Variants in DLC1 observed in about 807,000 individuals in gnomAD.
DLC1 encodes rho GTPase-activating protein 7.
DLC1 carries 54 observed loss-of-function variants against 140.3 expected under a neutral mutation model. That is an observed-to-expected ratio of 0.38 (90% confidence interval 0.31 to 0.48). DLC1 has a LOEUF of 0.48. Ranked by LOEUF, DLC1 falls within the 20% of genes least tolerant of loss-of-function variation. The pLI, the probability that DLC1 is intolerant of heterozygous loss-of-function variation, is 0.96. For missense variants in DLC1, 2,536 were observed against 1,907.0 expected (o/e 1.33, Z -6.14); for synonymous variants, 986 against 728.1 (o/e 1.35, Z -5.70).
chr8:13,518,049 AAAG>A (rs1352639659), upstream of DLC1, among the ~76,000 whole-genome samples: 3 of 152,160 alleles, frequency 2.0e-5, no homozygotes, highest in African/African-American at 7.2e-5. Context: ...TACTCTGTGG[AAAG>A]AAGAATAGCA....
intron 2 of DLC1, among the ~76,000 whole-genome samples, chr8:13,449,071 C>A (rs1263217962): frequency 1.3e-5 from 2 of 152,098 alleles, no homozygotes; most frequent in African/African-American, 4.8e-5. Context: ...ATATTATATA[C>A]CTTACAAGCC....
rs1244592859 is a variant in DLC1, at chr8:13,392,140, G to A, written c.1314+1413C>T. On this transcript the variant is annotated intron_variant, in intron 4 of 17. Transcript: ENST00000276297. ...GTTGATTTTTCAGTTTACCCCGAAA[G>A]ATCATTGTGCAGTATCTTTCTAGTT... is the stretch of plus-strand genomic sequence containing the variant. Among the ~76,000 whole-genome samples, 5 of 152,234 alleles carry A rather than the reference G, an allele frequency of 3.3e-5. No individual in the cohort carries two copies. In the East Asian group the frequency reaches 9.7e-4, roughly 29 times the overall value.
rs150797238 is a variant in DLC1, at chr8:13,594,993, C to T, written c.-126+9544G>A. 3.9e-3 allele frequency among the ~76,000 whole-genome samples: 588 copies of T among 151,088 alleles called. 2 individuals carry two copies. The highest frequency in any genetic ancestry group is 6.7e-3 in the Non-Finnish European group (455 of 67,760). On this transcript the variant is annotated intron_variant, in intron 1 of 1. Coordinates refer to the DLC1 transcript ENST00000631382. ...TTTTCTTGTGAATTTCTATATATTT[C>T]TGTATAGACTTCTTCAATTGTTGTG...
intron 4 of DLC1, among the ~76,000 whole-genome samples, chr8:13,344,226 G>A (rs2116998576): frequency 6.6e-6 from 1 of 152,306 alleles, no homozygotes; most frequent in South Asian, 2.1e-4. Flanking sequence ...GGCCGTGGTG[G>A]TTCATACCTG....
chr8:13,091,451 G>A lies in DLC1; in HGVS notation c.3741-19C>T, dbSNP rs755424824. On this transcript the variant is annotated intron_variant, in intron 13 of 17. Coordinates refer to ENST00000276297, the MANE Select transcript of DLC1 (RefSeq NM_182643.3). The stretch of plus-strand genomic sequence containing the variant: ...CATTACCCTAGGTAGAAGAAATACA[G>A]GAGGGGAACAGTTCAAATATTTATA... The A allele has an allele frequency of 2.5e-6, 4 of 1,595,170 alleles. No individual in the cohort carries two copies. The South Asian group carries it at 3.3e-5, about 13-fold the overall frequency.
At chr8:13,387,053 A>G (rs1232825985) in intron 4 of DLC1, among the ~76,000 whole-genome samples, 6 of 152,076 alleles carry the variant, frequency 3.9e-5, no homozygotes, top group Non-Finnish European at 8.8e-5. Flanking sequence ...GTATTAATTC[A>G]AATTTTTTGA....
In DLC1 at chr8:13,499,945, T is replaced by C; in HGVS notation, c.127A>G (p.Ser43Gly). The C allele has an allele frequency of 6.2e-7, 1 of 1,614,138 alleles. No individual in the cohort carries two copies. Among genetic ancestry groups the C allele is most frequent in the South Asian group, 1.1e-5 (1 of 91,090 alleles). ...HGLVADSLQA[S>G]MEKDATLNVD... ...TTTAGAGTTGCATCTTTTTCCATACTTGCCTGCAAGCTGTCAGCTACTAGT... is the reference window on the plus strand; with the variant it reads ...TTTAGAGTTGCATCTTTTTCCATACCTGCCTGCAAGCTGTCAGCTACTAGT... Residue 43 changes from serine to glycine, a missense_variant, in exon 2 of 18, where the codon AGT becomes GGT. Physicochemically the swap from Ser to Gly is moderately conservative, Grantham distance 56. Coordinates refer to ENST00000276297, the MANE Select transcript of DLC1 (RefSeq NM_182643.3).
intron 5 of DLC1, among the ~76,000 whole-genome samples, chr8:13,295,742 A>G (rs1295459314): frequency 2.0e-5 from 3 of 152,148 alleles, no homozygotes. Context: ...GTGAGGTCAA[A>G]GTAATAGCTT....
At chr8:13,305,157 C>A in intron 5 of DLC1, 112 bp downstream of exon 5, 2 of 1,424,852 alleles carry the variant, frequency 1.4e-6, no homozygotes, top group Non-Finnish European at 1.9e-6. Context: ...CAACATTTTC[C>A]CATATATTCA....
intron 2 of DLC1, among the ~76,000 whole-genome samples, chr8:13,444,803 C>T (rs1048879290): frequency 1.1e-4 from 16 of 151,988 alleles, no homozygotes; most frequent in African/African-American, 3.9e-4. Flanking sequence ...TATAATCGTT[C>T]AAGGAAATTT....
intron 5 of DLC1, among the ~76,000 whole-genome samples, chr8:13,230,017 C>T (rs1828972538): frequency 6.6e-6 from 1 of 152,192 alleles, no homozygotes; most frequent in Admixed American, 6.5e-5. Flanking sequence ...CTGATGGAGG[C>T]TTTGATCTCT....
chr8:13,304,759 T>C, intron 5 of DLC1: 1 of 953,918 alleles, frequency 1.0e-6, no homozygotes, highest in Non-Finnish European at 1.2e-6. Context: ...TTTCCCATAA[T>C]ACTGTTAAAT....
intron 5 of DLC1, among the ~76,000 whole-genome samples, chr8:13,120,268 G>C (rs1217008541): frequency 6.7e-6 from 1 of 148,972 alleles, no homozygotes; most frequent in East Asian, 2.0e-4. Context: ...GCGTGAACCG[G>C]GGAGGCGGAG....
At chr8:13,483,601 GGA>G (rs1800838841) in intron 2 of DLC1, among the ~76,000 whole-genome samples, 1 of 152,102 alleles carries the variant, frequency 6.6e-6, no homozygotes, top group African/African-American at 2.4e-5. Flanking sequence ...GAGCTTTCAG[GGA>G]GAGAGAGTGT....
At chr8:13,119,226 TAAAAA>T (rs757073542) in intron 5 of DLC1, among the ~76,000 whole-genome samples, 4 of 119,704 alleles carry the variant, frequency 3.3e-5, no homozygotes, top group Admixed American at 1.7e-4. Flanking sequence ...AGACCCTGTC[TAAAAA>T]AAAAAAAAAA....
intron 2 of DLC1, among the ~76,000 whole-genome samples, chr8:13,405,308 T>A (rs574185347): frequency 2.0e-5 from 3 of 151,660 alleles, no homozygotes; most frequent in Admixed American, 2.0e-4. Flanking sequence ...CCTTCTCCCC[T>A]CTGTGGTCCT....
chr8:13,200,745 C>G lies in DLC1; in HGVS notation c.1349-85088G>C, dbSNP rs529681783. 3.1e-4 allele frequency among the ~76,000 whole-genome samples: 47 copies of G among 152,110 alleles called. 1 individual carries two copies. The highest frequency in any genetic ancestry group is 1.1e-3 in the African/African-American group (47 of 41,504). On this transcript the variant is annotated intron_variant, in intron 5 of 17. Transcript: ENST00000276297. Reference sequence around the variant, plus strand: ...TCAGCCTCCTGAGTAGGTGGGACGACAGGTCCATGCCCAGCTGTTTCAAAT... The same window carrying G: ...TCAGCCTCCTGAGTAGGTGGGACGAGAGGTCCATGCCCAGCTGTTTCAAAT...
At chr8:13,500,303 T>C (rs1418528424) in intron 1 of DLC1, 107 bp from the exon 2 acceptor site, 2 of 421,178 alleles carry the variant, frequency 4.7e-6, no homozygotes, top group African/African-American at 2.0e-5. Context: ...TAAGAGATTT[T>C]ATAAAGCTTC....
chr8:13,384,237 C>T lies in DLC1; in HGVS notation c.1314+9316G>A, dbSNP rs186750536. On this transcript the variant is annotated intron_variant, in intron 4 of 17. Coordinates refer to ENST00000276297, the MANE Select transcript of DLC1 (RefSeq NM_182643.3). ...TTCCTGTTCTTGCAAGGCCTCTGCC[C>T]CCCATCACAAAGGTGCTAGCAAGTG... Among the ~76,000 whole-genome samples, 653 of 152,232 alleles carry T rather than the reference C, an allele frequency of 4.3e-3. 4 individuals carry two copies. Among genetic ancestry groups the T allele is most frequent in the African/African-American group, 0.014 (592 of 41,544 alleles).
Sources: gnomAD v4.1 joint callset for allele counts (sites outside exome capture counted in the v4.1 genomes callset) on GRCh38, gnomAD v4.1.1 for gene constraint, MANE v1.5 for transcripts, NCBI Gene and HGNC (gene_info 2026-07-23, HGNC 2026-07-21) for gene names.